LRRC8A: variants seen among roughly 807,000 people sequenced by gnomAD.
The protein encoded by LRRC8A is leucine rich repeat containing 8 VRAC subunit A.
LRRC8A carries 24 observed loss-of-function variants against 52.5 expected under a neutral mutation model. The ratio of observed to expected loss-of-function variants is 0.46; its 90% CI spans 0.33 to 0.64. The LOEUF (loss-of-function observed/expected upper bound fraction) is 0.64, where lower values mean the gene tolerates loss of function less well. Among genes scored for constraint, LRRC8A ranks in the 30% least tolerant of loss-of-function variants. The pLI, the probability that LRRC8A is intolerant of heterozygous loss-of-function variation, is 0.02. For missense variants in LRRC8A, 677 were observed against 1,094.7 expected (o/e 0.62, Z 5.38); for synonymous variants, 492 against 494.2 (o/e 1.00, Z 0.06).
chr9:128,906,316 A>ATTTTTTTTTTTTTTTTTTTTTT, intron 2 of LRRC8A, among the ~76,000 whole-genome samples: 1 of 79,272 alleles, frequency 1.3e-5, no homozygotes, highest in Non-Finnish European at 2.3e-5. Context: ...CCCATGTGGA[A>ATTTTTTTTTTTTTTTTTTTTTT]TTTTTTTTTT....
chr9:128,904,450 G>A (rs1241339389), intron 2 of LRRC8A, among the ~76,000 whole-genome samples: 3 of 151,356 alleles, frequency 2.0e-5, no homozygotes, highest in African/African-American at 7.3e-5. Flanking sequence ...CCCAGGAGGC[G>A]GAGGCTGTGG....
At chr9:128,906,614 G>A (rs1180589356) in intron 2 of LRRC8A, among the ~76,000 whole-genome samples, 6 of 152,030 alleles carry the variant, frequency 3.9e-5, no homozygotes, top group Non-Finnish European at 8.8e-5. Flanking sequence ...TGAACCACGT[G>A]GAATTTTTAA....
Position 128,911,233 on chromosome 9 carries a change from C to A in LRRC8A, c.2157+1912C>A, listed in dbSNP as rs1206587523. On this transcript the variant is annotated intron_variant, in intron 3 of 3. Coordinates refer to ENST00000372600, the MANE Select transcript of LRRC8A (RefSeq NM_019594.4). The surrounding 1 kb of genome is among the most constrained non-coding windows in gnomAD (Gnocchi z 4.9). ...CTCCAGATGCCTGCTGGCTTGGAAG[C>A]CTTCCTCCCCTCTTCCCCAGGGCTC... 1.3e-5 allele frequency among the ~76,000 whole-genome samples: 2 copies of A among 152,022 alleles called. No homozygotes were observed. Among genetic ancestry groups the A allele is most frequent in the Non-Finnish European group, 2.9e-5 (2 of 67,980 alleles).
Position 128,907,435 on chromosome 9 carries a change from G to A in LRRC8A, c.271G>A (p.Asp91Asn), listed in dbSNP as rs1355897217. The A allele has an allele frequency of 6.2e-7, 1 of 1,613,614 alleles. No homozygotes were observed. Among genetic ancestry groups the A allele is most frequent in the Non-Finnish European group, 8.5e-7 (1 of 1,180,010 alleles). ...YPNSTILPTP[D>N]TGPTGIKYDL... The stretch of plus-strand genomic sequence containing the variant: ...CAACTCCACCATTCTGCCGACCCCT[G>A]ACACGGGCCCCACAGGCATCAAGTA... Residue 91 changes from aspartate to asparagine, a missense_variant, in exon 3 of 4, where the codon GAC (aspartate) becomes AAC (asparagine). Coordinates refer to ENST00000372600, the MANE Select transcript of LRRC8A (RefSeq NM_019594.4). This position sits in a 1 kb window ranked among gnomAD's most constrained non-coding sequence, Gnocchi z 9.3.
chr9:128,892,763 G>A lies in LRRC8A; in HGVS notation c.-9+6642G>A, dbSNP rs1207695904. Among the ~76,000 whole-genome samples the A allele has an allele frequency of 6.6e-6, 1 of 152,188 alleles. No homozygotes were observed. The highest frequency in any genetic ancestry group is 1.9e-4 in the East Asian group (1 of 5,188). On this transcript the variant is annotated intron_variant, in intron 2 of 3. Coordinates refer to ENST00000372600, the MANE Select transcript of LRRC8A (RefSeq NM_019594.4). The surrounding 1 kb of genome is among the most constrained non-coding windows in gnomAD (Gnocchi z 5.2). ...AGATCCACAGGCTTGGAACCCTCCCGGGACAGGGCCTGTTGAGAGCGGCCC... is the reference window on the plus strand; with the variant it reads ...AGATCCACAGGCTTGGAACCCTCCCAGGACAGGGCCTGTTGAGAGCGGCCC...
rs768641393 is a variant in LRRC8A at position 128,907,968 on chromosome 9, C to T, written c.804C>T (p.Thr268=). Residue 268 remains threonine (T), a synonymous_variant, in exon 3 of 4, where the codon ACC becomes ACT. Transcript: ENST00000372600. This position sits in a 1 kb window ranked among gnomAD's most constrained non-coding sequence, Gnocchi z 9.3. ...TGTACCGCCTCTACATGCGGCAGAC[C>T]ATCATCAAGGTGATCAAGTTCATCC... ...DIVYRLYMRQ[T]IIKVIKFILI... 3 of 1,614,124 alleles carry T rather than the reference C, an allele frequency of 1.9e-6. No homozygotes were observed. Among genetic ancestry groups the T allele is most frequent in the South Asian group, 1.1e-5 (1 of 91,072 alleles).
Position 128,908,068 on chromosome 9 carries a change from C to T in LRRC8A, c.904C>T (p.Leu302=). ...DVDCTVDIES[L]TGYRTYRCAH... ...GGACTGCACCGTGGACATTGAGAGC[C>T]TGACGGGCTACCGCACCTACCGCTG... Residue 302 remains leucine (L), a synonymous_variant, in exon 3 of 4, where the codon CTG becomes TTG. Transcript: ENST00000372600. 1.2e-6 allele frequency: 2 copies of T among 1,614,084 alleles called. No individual in the cohort carries two copies. Among genetic ancestry groups the T allele is most frequent in the Non-Finnish European group, 1.7e-6 (2 of 1,180,026 alleles).
intron 2 of LRRC8A, among the ~76,000 whole-genome samples, chr9:128,903,544 C>CT (rs1312124721): frequency 6.6e-6 from 1 of 151,728 alleles, no homozygotes; most frequent in Non-Finnish European, 1.5e-5. Context: ...TTCCAAGCAG[C>CT]TGGGACTACA....
At position 128,902,201 on chromosome 9, in the gene LRRC8A, A is replaced by ATT. The variant is rs55858199; in HGVS notation, c.-8-4948_-8-4947dup. 6.6e-6 allele frequency among the ~76,000 whole-genome samples: 1 copy of ATT among 151,186 alleles called. No homozygotes were observed. Among genetic ancestry groups the ATT allele is most frequent in the South Asian group, 2.1e-4 (1 of 4,818 alleles). On this transcript the variant is annotated intron_variant, in intron 2 of 3. Coordinates refer to ENST00000372600, the MANE Select transcript of LRRC8A (RefSeq NM_019594.4). The surrounding 1 kb of genome is among the most constrained non-coding windows in gnomAD (Gnocchi z 4.1). ...CTGAAGCAGAAGTCCCACCTTGATC[A>ATT]TTTTTTTTTACCCCCGCTGGACCTA...
intron 1 of LRRC8A, among the ~76,000 whole-genome samples, chr9:128,884,297 A>G (rs1327621720): frequency 2.0e-5 from 3 of 152,164 alleles, no homozygotes; most frequent in Non-Finnish European, 2.9e-5. Context: ...ACATGGAGAA[A>G]CTGAGGCACA....
chr9:128,893,877 T>C (rs758992168), intron 2 of LRRC8A, among the ~76,000 whole-genome samples: 2 of 151,208 alleles, frequency 1.3e-5, no homozygotes, highest in Middle Eastern at 3.4e-3. Flanking sequence ...GAGTTTGTTA[T>C]TGATATAATT....
Position 128,916,170 on chromosome 9 carries a change from G to A in LRRC8A, c.2232G>A (p.Gln744=). ...RALHLGNNVL[Q]SLPSRVGELT... ...TGCACCTGGGCAACAACGTGCTGCA[G>A]TCACTGCCCTCCAGGGTGGGCGAGC... Residue 744 remains glutamine, a synonymous_variant, in exon 4 of 4, where the codon CAG becomes CAA. Transcript: ENST00000372600. This position sits in a 1 kb window ranked among gnomAD's most constrained non-coding sequence, Gnocchi z 6.1. 1 of 1,613,408 alleles carries A rather than the reference G, an allele frequency of 6.2e-7. No homozygotes were observed. The highest frequency in any genetic ancestry group is 8.5e-7 in the Non-Finnish European group (1 of 1,179,978).
chr9:128,900,650 G>A (rs1839989972), intron 2 of LRRC8A, among the ~76,000 whole-genome samples: 1 of 152,164 alleles, frequency 6.6e-6, no homozygotes, highest in African/African-American at 2.4e-5. Context: ...ACAGGTTGCA[G>A]TGAGCTGAGA....
chr9:128,894,800 A>C (rs924734585), intron 2 of LRRC8A, among the ~76,000 whole-genome samples: 1 of 152,040 alleles, frequency 6.6e-6, no homozygotes, highest in African/African-American at 2.4e-5. Flanking sequence ...CTCAAAAAAA[A>C]AAAAAAAAAG....
At chr9:128,915,604 C>T (rs1200916137) in intron 3 of LRRC8A, among the ~76,000 whole-genome samples, 5 of 152,236 alleles carry the variant, frequency 3.3e-5, no homozygotes, top group African/African-American at 1.2e-4. Context: ...GGATTACAGG[C>T]GTGAGCCACC....
chr9:128,912,406 T>G (rs1840589645), intron 3 of LRRC8A, among the ~76,000 whole-genome samples: 2 of 132,976 alleles, frequency 1.5e-5, no homozygotes, highest in Admixed American at 8.5e-5. Context: ...GGAAGCCAGG[T>G]GGAGGGGAAA....
chr9:128,896,300 C>A (rs1305837869), intron 2 of LRRC8A, among the ~76,000 whole-genome samples: 1 of 152,252 alleles, frequency 6.6e-6, no homozygotes, highest in Non-Finnish European at 1.5e-5. Flanking sequence ...ATGATTAGAA[C>A]AACGTATCCT....
At chr9:128,886,715 G>A (rs1472196036) in intron 2 of LRRC8A, among the ~76,000 whole-genome samples, 1 of 152,284 alleles carries the variant, frequency 6.6e-6, no homozygotes, top group East Asian at 1.9e-4. Context: ...ACATTTGGAG[G>A]ATTAAATATG....
At chr9:128,898,170 T>C (rs1839895175) in intron 2 of LRRC8A, among the ~76,000 whole-genome samples, 1 of 152,088 alleles carries the variant, frequency 6.6e-6, no homozygotes, top group South Asian at 2.1e-4. Flanking sequence ...TTTGTTCTAA[T>C]GCACTTTTGG....
Sources: allele counts gnomAD v4.1 joint callset (sites outside exome capture counted in the v4.1 genomes callset), GRCh38; gene constraint gnomAD v4.1.1; non-coding constraint Gnocchi (gnomAD v3.1); transcripts MANE v1.5; gene names NCBI Gene and HGNC (gene_info 2026-07-23, HGNC 2026-07-21).